Variants in TBC1D5 observed in about 807,000 individuals in gnomAD.
The protein encoded by TBC1D5 is TBC1 domain family member 5, also known as TBC1 domain family, member 5.
In TBC1D5, 75 loss-of-function variants were observed where a neutral mutation model predicts 100.3. The observed-to-expected ratio is 0.75, with a 90% CI of 0.62 to 0.91. TBC1D5 has a LOEUF of 0.91. Among genes scored for constraint, TBC1D5 ranks in the 40% least tolerant of loss-of-function variants. The probability of loss-of-function intolerance (pLI) is 0.00; values close to 1 mark genes in which losing one functional copy is unlikely to be tolerated. For missense variants in TBC1D5, 910 were observed against 942.4 expected, an observed-to-expected ratio of 0.97 and a Z score of 0.45; for synonymous variants, 323 against 325.6, an observed-to-expected ratio of 0.99 and a Z score of 0.09.
At chr3:17,378,410 A>T (rs1357716455) in intron 9 of TBC1D5, among the ~76,000 whole-genome samples, 3 of 151,886 alleles carry the variant, frequency 2.0e-5, no homozygotes, top group Non-Finnish European at 3.0e-5. Flanking sequence ...TTTTAAAAAA[A>T]TTTTGTCAAG....
intron 12 of TBC1D5, among the ~76,000 whole-genome samples, chr3:17,372,904 T>G (rs890021991): frequency 6.6e-6 from 1 of 151,934 alleles, no homozygotes; most frequent in Admixed American, 6.6e-5. Context: ...AGTGTAGGGG[T>G]CAGCAAACCT....
intron 1 of TBC1D5, among the ~76,000 whole-genome samples, chr3:17,640,258 T>C (rs1327635517): frequency 1.3e-5 from 2 of 152,142 alleles, no homozygotes; most frequent in Non-Finnish European, 2.9e-5. Flanking sequence ...GATAATCTCT[T>C]TTTATTTAAA....
At chr3:17,659,301 A>G (rs2066423093) in intron 1 of TBC1D5, among the ~76,000 whole-genome samples, 2 of 152,196 alleles carry the variant, frequency 1.3e-5, no homozygotes, top group South Asian at 4.1e-4. Context: ...AATAATATGT[A>G]TCATATGAAT....
intron 2 of TBC1D5, among the ~76,000 whole-genome samples, chr3:17,607,218 C>T (rs1252638905): frequency 2.6e-5 from 4 of 152,044 alleles, no homozygotes; most frequent in Admixed American, 6.5e-5. Flanking sequence ...TACAATCCAT[C>T]AATACAAATT....
chr3:17,184,560 C>T (rs1436503651), intron 19 of TBC1D5: 1 of 152,128 alleles, frequency 6.6e-6, no homozygotes, highest in Admixed American at 6.5e-5. Context: ...AAGAGTCTCA[C>T]TCTGTCACCC....
chr3:17,187,732 G>A (rs773816958), intron 18 of TBC1D5, among the ~76,000 whole-genome samples: 17 of 152,154 alleles, frequency 1.1e-4, no homozygotes, highest in Non-Finnish European at 1.6e-4. Flanking sequence ...GAACTGTACC[G>A]AAGCCAGAGT....
rs529702775 is a variant in TBC1D5 at position 17,195,814 on chromosome 3, G to A, written c.1753-10606C>T. Among the ~76,000 whole-genome samples, 260 of 151,424 alleles carry A rather than the reference G, an allele frequency of 1.7e-3. 1 individual carries two copies. Among genetic ancestry groups the A allele is most frequent in the Middle Eastern group, 3.4e-3 (1 of 294 alleles). ...TCTGAGACTTCTGGAAAGAAAAAAA[G>A]GTGAGAAGGAAATAATTCTCTAAAT... is the stretch of plus-strand genomic sequence containing the variant. On this transcript the variant is annotated intron_variant, in intron 18 of 21. Transcript: ENST00000253692.
chr3:17,265,338 C>G (rs1435082102), intron 15 of TBC1D5, among the ~76,000 whole-genome samples: 1 of 152,046 alleles, frequency 6.6e-6, no homozygotes, highest in Non-Finnish European at 1.5e-5. Context: ...AAATATTTGA[C>G]AAATGAAGAA....
intron 16 of TBC1D5, 62 bp from the exon 17 acceptor site, chr3:17,238,481 T>C: frequency 6.5e-7 from 1 of 1,538,940 alleles, no homozygotes; most frequent in African/African-American, 1.4e-5. Flanking sequence ...TTTCACATAA[T>C]TAATTGGTAT....
chr3:17,731,701 G>A (rs1026904025), intron 1 of TBC1D5, among the ~76,000 whole-genome samples: 1 of 152,060 alleles, frequency 6.6e-6, no homozygotes. Context: ...AGACATAGTA[G>A]GGATGAAGAC....
rs187059431 is a variant in TBC1D5, at chr3:17,731,518, A to T, written c.-101+7825T>A. Among the ~76,000 whole-genome samples the T allele has an allele frequency of 5.9e-3, 897 of 152,038 alleles. 6 individuals are homozygous for T. Among genetic ancestry groups the T allele is most frequent in the Middle Eastern group, 0.031 (9 of 294 alleles). On this transcript the variant is annotated intron_variant, in intron 1 of 21. Coordinates refer to ENST00000253692, the Ensembl canonical transcript of TBC1D5. ...AGACTCTGTCTCAAAAAAAAAAAAAAAAAAAAGAGGGTGTCATGAGACTGG... is the reference window on the plus strand; with the variant it reads ...AGACTCTGTCTCAAAAAAAAAAAAATAAAAAAGAGGGTGTCATGAGACTGG...
intron 13 of TBC1D5, among the ~76,000 whole-genome samples, chr3:17,353,476 C>T (rs1412301493): frequency 6.6e-6 from 1 of 152,000 alleles, no homozygotes; most frequent in Non-Finnish European, 1.5e-5. Flanking sequence ...AATTACCTAA[C>T]TTCAGTTTGC....
intron 3 of TBC1D5, among the ~76,000 whole-genome samples, chr3:17,440,039 C>T (rs1320767691): frequency 3.9e-5 from 6 of 152,160 alleles, no homozygotes; most frequent in Non-Finnish European, 7.3e-5. Context: ...TGAACACTTA[C>T]AGTATTCAAG....
At chr3:17,708,533 C>A (rs1015956136) in intron 1 of TBC1D5, among the ~76,000 whole-genome samples, 2 of 152,248 alleles carry the variant, frequency 1.3e-5, no homozygotes, top group African/African-American at 2.4e-5. Flanking sequence ...ATGGGGGGGT[C>A]TGTCCTATAA....
chr3:17,497,429 T>C (rs7618836), intron 3 of TBC1D5, among the ~76,000 whole-genome samples: 10,481 of 152,282 alleles, frequency 0.069, 707 homozygotes, highest in African/African-American at 0.18. Flanking sequence ...TCAACAAATA[T>C]GTTTGTATAA....
intron 1 of TBC1D5, chr3:17,702,089 G>A (rs2073298059): frequency 6.6e-6 from 1 of 152,044 alleles, no homozygotes; most frequent in African/African-American, 2.4e-5. Context: ...ATTAGCTAAG[G>A]CTGAATATAT....
At chr3:17,561,097 G>A (rs924043993) in intron 2 of TBC1D5, among the ~76,000 whole-genome samples, 1 of 152,142 alleles carries the variant, frequency 6.6e-6, no homozygotes, top group African/African-American at 2.4e-5. Context: ...CAGAACACAT[G>A]GAAGAGCTTC....
intron 2 of TBC1D5, among the ~76,000 whole-genome samples, chr3:17,563,770 T>G (rs2096574449): frequency 6.6e-6 from 1 of 151,838 alleles, no homozygotes; most frequent in African/African-American, 2.4e-5. Flanking sequence ...GTTGTTTTTG[T>G]TTTTTGTTTT....
rs558602897 is a variant in TBC1D5, at chr3:17,396,047, T to C, written c.509+7134A>G. 2.0e-3 allele frequency among the ~76,000 whole-genome samples: 306 copies of C among 152,222 alleles called. 3 individuals are homozygous for C. Among genetic ancestry groups the C allele is most frequent in the Middle Eastern group, 0.017 (5 of 292 alleles). ...ATTCCTGAAAATCTGTTTTCCCCCC[T>C]CTTTAATATTTAAGAAACACACACA... On this transcript the variant is annotated intron_variant, in intron 8 of 21. Coordinates refer to ENST00000253692, the Ensembl canonical transcript of TBC1D5.
Sources: allele counts gnomAD v4.1 joint callset (sites outside exome capture counted in the v4.1 genomes callset), GRCh38; gene constraint gnomAD v4.1.1; transcripts MANE v1.5; gene names NCBI Gene and HGNC (gene_info 2026-07-23, HGNC 2026-07-21).